Variants in USP25 observed in about 807,000 individuals in gnomAD.
The protein encoded by USP25 is ubiquitin specific peptidase 25.
Under a neutral mutation model 158.5 loss-of-function variants are expected in USP25, and 85 were observed. The observed-to-expected ratio is 0.54, with a 90% CI of 0.45 to 0.64. The LOEUF is 0.64. Among genes scored for constraint, USP25 ranks in the 30% least tolerant of loss-of-function variants. The pLI is 0.00. For missense variants in USP25, 1,242 were observed against 1,327.3 expected (o/e 0.94, Z 1.00); for synonymous variants, 464 against 460.4 (o/e 1.01, Z -0.10).
rs949137216 is a variant in USP25, at chr21:15,843,179, G to A, written c.2337+639G>A. ...TTATACTGTGTTATCAGTGAATATG[G>A]CATTCTGAGAGAAGCTATTTCAAGA... is the stretch of plus-strand genomic sequence containing the variant. On this transcript the variant is annotated intron_variant, in intron 18 of 25. Coordinates refer to ENST00000400183, the MANE Select transcript of USP25 (RefSeq NM_001283041.3). This position sits in a 1 kb window ranked among gnomAD's most constrained non-coding sequence, Gnocchi z 4.0. Among the ~76,000 whole-genome samples, 2 of 152,136 alleles carry A rather than the reference G, an allele frequency of 1.3e-5. No homozygotes were observed. The highest frequency in any genetic ancestry group is 2.4e-5 in the African/African-American group (1 of 41,430).
chr21:15,823,011 C>A (rs934078203), intron 10 of USP25, among the ~76,000 whole-genome samples: 3 of 151,990 alleles, frequency 2.0e-5, no homozygotes, highest in Non-Finnish European at 4.4e-5. Context: ...TCCAGATCCT[C>A]CTCAGATTCA....
rs150440512 is a variant in USP25 at position 15,743,960 on chromosome 21, C to G, written c.45+13522C>G. ...TGCAGAACTGGCTTCTAGGCTTCTT[C>G]CCAAGTGAGGCAGGAATTGAAGTCA... is the stretch of plus-strand genomic sequence containing the variant. On this transcript the variant is annotated intron_variant, in intron 1 of 25. Coordinates refer to ENST00000400183, the MANE Select transcript of USP25 (RefSeq NM_001283041.3). 729 of 155,582 alleles carry G rather than the reference C, an allele frequency of 4.7e-3. 6 individuals carry two copies. Among genetic ancestry groups the G allele is most frequent in the Non-Finnish European group, 7.4e-3 (505 of 68,458 alleles). 9.6% of individuals were successfully genotyped at this position (155,582 alleles called of 1,614,324 possible). A position where few individuals can be genotyped will look rare whatever the true frequency, so the allele number is the denominator to read the frequency against.
chr21:15,850,832 A>G (rs896856388), intron 20 of USP25, among the ~76,000 whole-genome samples: 1 of 151,992 alleles, frequency 6.6e-6, no homozygotes, highest in African/African-American at 2.4e-5. Flanking sequence ...TAGGGTGACT[A>G]ACTCTCCTGA....
At chr21:15,847,279 A>G (rs2146470044) in intron 18 of USP25, among the ~76,000 whole-genome samples, 1 of 152,294 alleles carries the variant, frequency 6.6e-6, no homozygotes, top group South Asian at 2.1e-4. Flanking sequence ...AATAATAGAA[A>G]ATACAACTCC....
At chr21:15,854,669 G>T (rs985730543) in intron 20 of USP25, among the ~76,000 whole-genome samples, 1 of 152,144 alleles carries the variant, frequency 6.6e-6, no homozygotes. Flanking sequence ...TGTCAGCCTT[G>T]TTATAAGAAA....
intron 20 of USP25, among the ~76,000 whole-genome samples, chr21:15,859,791 T>C (rs1190556346): frequency 6.6e-6 from 1 of 151,878 alleles, no homozygotes; most frequent in African/African-American, 2.4e-5. Context: ...TTCTGTATTA[T>C]CACCTTTCTT....
rs186697512 is a variant in USP25, at chr21:15,750,767, C to T, written c.46-12124C>T. Among the ~76,000 whole-genome samples the T allele has an allele frequency of 5.9e-5, 9 of 151,940 alleles. No individual in the cohort carries two copies. The East Asian group carries it at 9.8e-4, about 17-fold the overall frequency. ...GACTACAGGTGCCCGCCACCACGTC[C>T]GGCTAATTTTTTGTATTTTTAGTAG... is the stretch of plus-strand genomic sequence containing the variant. On this transcript the variant is annotated intron_variant, in intron 1 of 25. Transcript: ENST00000400183.
At chr21:15,838,131 T>G (rs1015470593) in intron 17 of USP25, among the ~76,000 whole-genome samples, 10 of 151,856 alleles carry the variant, frequency 6.6e-5, no homozygotes, top group African/African-American at 2.4e-4. Flanking sequence ...CTTCACCATG[T>G]TGATCAGTCT....
chr21:15,809,653 A>G (rs1314295610), intron 8 of USP25, among the ~76,000 whole-genome samples: 3 of 152,230 alleles, frequency 2.0e-5, no homozygotes, highest in Admixed American at 6.5e-5. Flanking sequence ...TTCTTGGTGT[A>G]TATCCAAAAG....
At position 15,870,124 on chromosome 21, in the gene USP25, G is replaced by A; in HGVS notation, c.2862G>A (p.Gly954=). The A allele has an allele frequency of 6.2e-7, 1 of 1,609,164 alleles. No individual in the cohort carries two copies. Among genetic ancestry groups the A allele is most frequent in the Non-Finnish European group, 8.5e-7 (1 of 1,177,764 alleles). The part of the protein sequence containing the change: ...FRETTMYLII[G]LENFQRESYI... ...AAACAACTATGTATCTCATAATTGG[G>A]CTAGAAAATTTTCAAAGAGAAAGGT... The change falls in exon 23 of 26, where the codon GGG becomes GGA. Residue 954 remains glycine, a synonymous_variant. Coordinates refer to ENST00000400183, the MANE Select transcript of USP25 (RefSeq NM_001283041.3).
chr21:15,730,285 G>C lies in USP25; in HGVS notation c.-109G>C. On this transcript the variant is annotated 5_prime_UTR_variant, in exon 1 of 26. Transcript: ENST00000400183. The stretch of plus-strand genomic sequence containing the variant: ...GGCTGGCGGGGGCGCTGTCCTCCCA[G>C]GCCGTCCGCGCCGCTCCCTGGAGCT... 1 of 988,876 alleles carries C rather than the reference G, an allele frequency of 1.0e-6. No individual in the cohort carries two copies. Among genetic ancestry groups the C allele is most frequent in the African/African-American group, 1.8e-5 (1 of 57,086 alleles). The allele number at this position is 988,876 out of a possible 1,614,324, so 61.3% of individuals were successfully genotyped here.
At chr21:15,850,046 ATTGT>A (rs1327019165) in intron 20 of USP25, among the ~76,000 whole-genome samples, 174 bp downstream of exon 20, 1 of 151,954 alleles carries the variant, frequency 6.6e-6, no homozygotes, top group African/African-American at 2.4e-5. Context: ...CCTAATACTG[ATTGT>A]TTTTCTCTTA....
In USP25 at chr21:15,824,145, C is replaced by T. The variant is rs1430896916; in HGVS notation, c.1187C>T (p.Pro396Leu). 6.2e-7 allele frequency: 1 copy of T among 1,612,820 alleles called. No individual in the cohort carries two copies. Among genetic ancestry groups the T allele is most frequent in the South Asian group, 1.1e-5 (1 of 91,024 alleles). ...AAAATTCACAACAAATTAGAATTTCCCCAAGTTTTATATTTGGACAGGTAT... is the reference window on the plus strand; with the variant it reads ...AAAATTCACAACAAATTAGAATTTCTCCAAGTTTTATATTTGGACAGGTAT... ...PEKIHNKLEFPQVLYLDRYMH... is the reference protein window; with the variant it reads ...PEKIHNKLEFLQVLYLDRYMH... Residue 396 changes from proline to leucine, a missense_variant, in exon 11 of 26, where the codon CCC becomes CTC. Physicochemically the swap from Pro to Leu is moderately conservative, Grantham distance 98 (BLOSUM62 -3). Around this residue, in one of 3 missense-constraint regions of USP25, gnomAD observed 627 missense variants for 701.4 expected, o/e 0.89. Coordinates refer to ENST00000400183, the MANE Select transcript of USP25 (RefSeq NM_001283041.3).
intron 22 of USP25, 78 bp downstream of exon 22, chr21:15,866,422 A>G (rs954548173): frequency 9.1e-6 from 10 of 1,098,356 alleles, no homozygotes; most frequent in African/African-American, 3.2e-5. Flanking sequence ...TTTCAGCCCA[A>G]CTGAAGTTGA....
At chr21:15,748,047 A>C (rs923786906) in intron 1 of USP25, among the ~76,000 whole-genome samples, 2 of 152,070 alleles carry the variant, frequency 1.3e-5, no homozygotes, top group African/African-American at 4.8e-5. Context: ...ATTGCCCTCT[A>C]AGTGTTTTCT....
At chr21:15,734,117 A>G (rs570563008) in intron 1 of USP25, among the ~76,000 whole-genome samples, 1 of 152,322 alleles carries the variant, frequency 6.6e-6, no homozygotes, top group Non-Finnish European at 1.5e-5. Context: ...GGGAGAATAA[A>G]AAAGAAACAG....
At chr21:15,777,852 C>T (rs1419168291) in intron 3 of USP25, 52 bp from the exon 4 acceptor site, 1 of 1,504,458 alleles carries the variant, frequency 6.6e-7, no homozygotes, top group African/African-American at 1.4e-5. Flanking sequence ...TAATAAAAAT[C>T]CTTTCATTTT....
chr21:15,787,378 CAA>C (rs948902413), intron 4 of USP25, among the ~76,000 whole-genome samples: 1 of 152,012 alleles, frequency 6.6e-6, no homozygotes, highest in Admixed American at 6.6e-5. Context: ...GTAACCAAAA[CAA>C]TGATATTGGT....
intron 17 of USP25, among the ~76,000 whole-genome samples, chr21:15,839,288 T>C (rs150926163): frequency 6.6e-6 from 1 of 152,226 alleles, no homozygotes; most frequent in East Asian, 1.9e-4. Context: ...CTGTATGGCA[T>C]TTAGGGAATT....
Sources: gnomAD v4.1 joint callset for allele counts (sites outside exome capture counted in the v4.1 genomes callset) on GRCh38, gnomAD v4.1.1 for gene constraint, gnomAD v4.1.1 regional missense constraint, Gnocchi (gnomAD v3.1) non-coding constraint, MANE v1.5 for transcripts, NCBI Gene and HGNC (gene_info 2026-07-23, HGNC 2026-07-21) for gene names.